The following KHDRBS3 variants were observed in gnomAD, a reference collection of about 807,000 sequenced individuals.
KHDRBS3 encodes KH RNA binding domain containing, signal transduction associated 3.
KHDRBS3 carries 23 observed loss-of-function variants against 45.6 expected under a neutral mutation model. That is an observed-to-expected ratio of 0.50 (90% CI 0.36 to 0.72). KHDRBS3 has a LOEUF of 0.72. Among genes scored for constraint, KHDRBS3 ranks in the 30% least tolerant of loss-of-function variants. KHDRBS3 has a pLI of 0.00. For synonymous variants in KHDRBS3, 162 were observed against 156.5 expected (o/e 1.04, Z -0.26); for missense variants, 352 against 424.8 (o/e 0.83, Z 1.51).
intron 2 of KHDRBS3, among the ~76,000 whole-genome samples, chr8:135,531,436 T>C (rs1294490286): frequency 6.6e-6 from 1 of 151,708 alleles, no homozygotes; most frequent in Non-Finnish European, 1.5e-5. Context: ...AAAAAATCAA[T>C]AAAAACCTTA....
chr8:135,471,914 T>G (rs1320485893), intron 1 of KHDRBS3, among the ~76,000 whole-genome samples: 1 of 152,208 alleles, frequency 6.6e-6, no homozygotes, highest in Non-Finnish European at 1.5e-5. Context: ...CTTTCTCCAA[T>G]GAGAATCCAG....
intron 1 of KHDRBS3, among the ~76,000 whole-genome samples, chr8:135,503,139 G>A (rs913369135): frequency 3.3e-5 from 5 of 152,174 alleles, no homozygotes; most frequent in African/African-American, 1.2e-4. Context: ...ACTGTGTGAT[G>A]TACTTTTAGG....
At chr8:135,637,404 G>T (rs538134111) in intron 7 of KHDRBS3, among the ~76,000 whole-genome samples, 1 of 152,270 alleles carries the variant, frequency 6.6e-6, no homozygotes, top group East Asian at 1.9e-4. Flanking sequence ...CCTGGATTAT[G>T]CATGACTCTT....
rs181538035 is a variant in KHDRBS3, at chr8:135,475,045, A to G, written c.88+17091A>G. Among the ~76,000 whole-genome samples, 382 of 151,946 alleles carry G rather than the reference A, an allele frequency of 2.5e-3. 2 individuals carry two copies. Among genetic ancestry groups the G allele is most frequent in the Non-Finnish European group, 4.2e-3 (283 of 67,932 alleles). The stretch of plus-strand genomic sequence containing the variant: ...CCATTTCTCCGCTCCTCTCTCTTCC[A>G]CCTTTCTTTTCCATTTGTAAGGTCC... On this transcript the variant is annotated intron_variant, in intron 1 of 8. Coordinates refer to ENST00000355849, the MANE Select transcript of KHDRBS3 (RefSeq NM_006558.3).
intron 6 of KHDRBS3, among the ~76,000 whole-genome samples, chr8:135,585,238 A>C (rs904008023): frequency 5.3e-5 from 8 of 151,584 alleles, no homozygotes; most frequent in South Asian, 2.1e-4. Context: ...CAAAAAAAAA[A>C]AAAAAAAAAG....
chr8:135,614,678 T>G (rs749414748), intron 7 of KHDRBS3, among the ~76,000 whole-genome samples: 3 of 149,992 alleles, frequency 2.0e-5, no homozygotes, highest in Non-Finnish European at 4.4e-5. Flanking sequence ...GACCCGTAAA[T>G]ACTTAATTCC....
At chr8:135,633,638 G>A (rs897245211) in intron 7 of KHDRBS3, among the ~76,000 whole-genome samples, 13 of 152,132 alleles carry the variant, frequency 8.5e-5, no homozygotes, top group South Asian at 4.1e-4. Context: ...TAAGAGGAAA[G>A]GATCTGTTTT....
At chr8:135,639,094 C>G (rs952653412) in intron 7 of KHDRBS3, among the ~76,000 whole-genome samples, 1 of 152,070 alleles carries the variant, frequency 6.6e-6, no homozygotes, top group African/African-American at 2.4e-5. Context: ...CAGGTAGTTA[C>G]TGATTGGTCA....
At chr8:135,644,340 AAAAGAT>A (rs1316558919) in intron 7 of KHDRBS3, among the ~76,000 whole-genome samples, 1 of 152,148 alleles carries the variant, frequency 6.6e-6, no homozygotes, top group African/African-American at 2.4e-5. Context: ...CTGTACTTTG[AAAAGAT>A]CCTTGGCCTC....
At chr8:135,626,677 G>A (rs1031966339) in intron 7 of KHDRBS3, among the ~76,000 whole-genome samples, 8 of 151,890 alleles carry the variant, frequency 5.3e-5, no homozygotes, top group African/African-American at 1.7e-4. Context: ...GTTGGCGGGC[G>A]CCTGTAGTCC....
chr8:135,514,280 T>A (rs1024951650), intron 1 of KHDRBS3, among the ~76,000 whole-genome samples: 3 of 152,224 alleles, frequency 2.0e-5, no homozygotes, highest in African/African-American at 7.2e-5. Flanking sequence ...AGTCTTTAAT[T>A]ATTTACAATA....
chr8:135,473,737 G>A (rs113983415), intron 1 of KHDRBS3, among the ~76,000 whole-genome samples: 19 of 152,040 alleles, frequency 1.2e-4, no homozygotes, highest in African/African-American at 3.9e-4. Context: ...AGAGCTCAGG[G>A]GCTTTCTTAT....
At chr8:135,556,655 G>T (rs1454648780) in intron 4 of KHDRBS3, among the ~76,000 whole-genome samples, 1 of 152,034 alleles carries the variant, frequency 6.6e-6, no homozygotes, top group Non-Finnish European at 1.5e-5. Context: ...TCATCCTGAG[G>T]CAGGACTTCT....
In KHDRBS3 at chr8:135,547,807, A is replaced by G. The variant is rs370822747; in HGVS notation, c.325-947A>G. Among the ~76,000 whole-genome samples, 29 of 152,284 alleles carry G rather than the reference A, an allele frequency of 1.9e-4. No homozygotes were observed. The South Asian group carries it at 5.6e-3, about 29-fold the overall frequency. ...TAGCCTCAGATTCCTGTTAATCTTA[A>G]TCTGTCTGATACTAACATTGGAAAC... On this transcript the variant is annotated intron_variant, in intron 3 of 8. Coordinates refer to ENST00000355849, the MANE Select transcript of KHDRBS3 (RefSeq NM_006558.3).
intron 3 of KHDRBS3, among the ~76,000 whole-genome samples, chr8:135,544,907 A>G (rs911909768): frequency 1.3e-5 from 2 of 152,026 alleles, no homozygotes; most frequent in African/African-American, 4.8e-5. Flanking sequence ...GACTGAGACC[A>G]GAAGTCTCCT....
At chr8:135,476,165 A>T (rs981991188) in intron 1 of KHDRBS3, among the ~76,000 whole-genome samples, 4 of 151,776 alleles carry the variant, frequency 2.6e-5, no homozygotes, top group African/African-American at 9.7e-5. Context: ...TTTTTTTGAG[A>T]TGGAGTCTTG....
intron 1 of KHDRBS3, among the ~76,000 whole-genome samples, chr8:135,482,814 A>C (rs1415267890): frequency 6.6e-6 from 1 of 152,162 alleles, no homozygotes; most frequent in Non-Finnish European, 1.5e-5. Flanking sequence ...ACCACCTAGT[A>C]GGTAGCAGGG....
intron 7 of KHDRBS3, among the ~76,000 whole-genome samples, chr8:135,617,334 G>A (rs1829961893): frequency 6.6e-6 from 1 of 150,718 alleles, no homozygotes. Flanking sequence ...CTGGCATACA[G>A]TGGCACCATC....
chr8:135,482,407 T>A (rs1193108102), intron 1 of KHDRBS3, among the ~76,000 whole-genome samples: 1 of 152,176 alleles, frequency 6.6e-6, no homozygotes, highest in Non-Finnish European at 1.5e-5. Context: ...TTTTTCTTTT[T>A]TAAGCCTTAG....
Sources: allele counts gnomAD v4.1 joint callset (sites outside exome capture counted in the v4.1 genomes callset), GRCh38; gene constraint gnomAD v4.1.1; transcripts MANE v1.5; gene names NCBI Gene and HGNC (gene_info 2026-07-23, HGNC 2026-07-21).